The following GRAMD2A variants were observed in gnomAD, a reference collection of about 807,000 sequenced individuals.
The protein encoded by GRAMD2A is GRAM domain containing 2A.
Under a neutral mutation model 51.1 loss-of-function variants are expected in GRAMD2A, and 37 were observed. The ratio of observed to expected loss-of-function variants is 0.72; its 90% CI spans 0.56 to 0.95. The LOEUF is 0.95. GRAMD2A is among the 40% of genes least tolerant of loss of function. The probability of loss-of-function intolerance (pLI) is 0.00; values close to 1 mark genes in which losing one functional copy is unlikely to be tolerated. For missense variants in GRAMD2A, 414 were observed against 426.9 expected, an observed-to-expected ratio of 0.97 and a Z score of 0.27; for synonymous variants, 136 against 157.1, an observed-to-expected ratio of 0.87 and a Z score of 1.01.
chr15:72,183,678 A>C (rs950547223), intron 1 of GRAMD2A, among the ~76,000 whole-genome samples: 2 of 152,234 alleles, frequency 1.3e-5, no homozygotes, highest in African/African-American at 2.4e-5. Flanking sequence ...AAAAAAAATA[A>C]ATAAATACAA....
chr15:72,165,237 T>C, intron 8 of GRAMD2A, 117 bp downstream of exon 8: 1 of 883,920 alleles, frequency 1.1e-6, no homozygotes, highest in Non-Finnish European at 1.8e-6. Flanking sequence ...GCATGGCCAC[T>C]GACTCTTGAG....
intron 1 of GRAMD2A, among the ~76,000 whole-genome samples, chr15:72,178,645 G>A (rs1056753816): frequency 4.5e-5 from 6 of 133,794 alleles, no homozygotes; most frequent in Non-Finnish European, 1.5e-5. Context: ...GCGCAATCTC[G>A]GCTCACTGCC....
chr15:72,186,871 A>G (rs2081737718), intron 1 of GRAMD2A, among the ~76,000 whole-genome samples: 1 of 152,024 alleles, frequency 6.6e-6, no homozygotes, highest in Admixed American at 6.6e-5. Flanking sequence ...TACAGACTGA[A>G]TGCAGTGGCT....
At chr15:72,182,745 G>A (rs767854042) in intron 1 of GRAMD2A, among the ~76,000 whole-genome samples, 4 of 152,178 alleles carry the variant, frequency 2.6e-5, no homozygotes, top group Non-Finnish European at 5.9e-5. Context: ...TAGAGTAGTT[G>A]AATTCATAGA....
chr15:72,178,547 A>G (rs1596691993), intron 1 of GRAMD2A, among the ~76,000 whole-genome samples: 1 of 128,848 alleles, frequency 7.8e-6, no homozygotes, highest in South Asian at 2.6e-4. Context: ...AAATAATGTC[A>G]TTATTGCTGT....
At chr15:72,194,077 T>A (rs1406770139) in intron 1 of GRAMD2A, among the ~76,000 whole-genome samples, 4 of 152,158 alleles carry the variant, frequency 2.6e-5, no homozygotes, top group Admixed American at 2.6e-4. Context: ...GCTTCAAAGG[T>A]TGGTGATGAC....
At chr15:72,186,903 T>C (rs565794375) in intron 1 of GRAMD2A, among the ~76,000 whole-genome samples, 3 of 151,934 alleles carry the variant, frequency 2.0e-5, no homozygotes, top group African/African-American at 7.2e-5. Context: ...TACCAGCACT[T>C]TGAGAAGCCG....
intron 1 of GRAMD2A, among the ~76,000 whole-genome samples, chr15:72,171,137 C>T (rs1207285184): frequency 2.6e-5 from 4 of 152,190 alleles, no homozygotes; most frequent in Admixed American, 6.5e-5. Flanking sequence ...GCCTGGTTAC[C>T]TCTGTCCTCA....
At chr15:72,164,936 C>G (rs564215105) in intron 8 of GRAMD2A, among the ~76,000 whole-genome samples, 1 of 152,146 alleles carries the variant, frequency 6.6e-6, no homozygotes, top group Non-Finnish European at 1.5e-5. Context: ...GCCATGAATT[C>G]GAGATCAGCT....
intron 1 of GRAMD2A, among the ~76,000 whole-genome samples, chr15:72,179,767 CTG>C (rs1051520675): frequency 7.9e-5 from 12 of 152,188 alleles, no homozygotes; most frequent in African/African-American, 2.7e-4. Context: ...CTGGTGAGCG[CTG>C]TGTTAGCCTC....
At chr15:72,163,016 C>T in intron 10 of GRAMD2A, 1 of 465,320 alleles carries the variant, frequency 2.1e-6, no homozygotes, top group Non-Finnish European at 3.8e-6. Context: ...TCAACATCTC[C>T]ATATCCTGCC....
At chr15:72,190,684 C>A (rs2081762125) in intron 1 of GRAMD2A, among the ~76,000 whole-genome samples, 1 of 152,188 alleles carries the variant, frequency 6.6e-6, no homozygotes. Context: ...CCTCTGAGGT[C>A]CAGGCAAGAG....
intron 1 of GRAMD2A, among the ~76,000 whole-genome samples, chr15:72,191,468 G>A (rs754418332): frequency 5.9e-5 from 9 of 152,136 alleles, no homozygotes; most frequent in Non-Finnish European, 1.0e-4. Flanking sequence ...CTCCCAAAGT[G>A]CTGGGATTAC....
At chr15:72,183,065 G>T (rs2081708238) in intron 1 of GRAMD2A, among the ~76,000 whole-genome samples, 1 of 152,082 alleles carries the variant, frequency 6.6e-6, no homozygotes, top group Non-Finnish European at 1.5e-5. Flanking sequence ...TAGAGACAGG[G>T]TCTCTCTATG....
At chr15:72,179,862 G>T (rs1358787871) in intron 1 of GRAMD2A, among the ~76,000 whole-genome samples, 5 of 152,152 alleles carry the variant, frequency 3.3e-5, no homozygotes, top group East Asian at 3.9e-4. Flanking sequence ...GGCCTCAAAG[G>T]CACCCAGAAA....
At chr15:72,194,800 G>C (rs185589944) in intron 1 of GRAMD2A, among the ~76,000 whole-genome samples, 35 of 152,148 alleles carry the variant, frequency 2.3e-4, no homozygotes, top group African/African-American at 8.4e-4. Context: ...AGATTCTCCA[G>C]CCTCAACCTC....
chr15:72,180,124 C>T (rs1390031086), intron 1 of GRAMD2A, among the ~76,000 whole-genome samples: 1 of 152,220 alleles, frequency 6.6e-6, no homozygotes, highest in Non-Finnish European at 1.5e-5. Context: ...TGAGAACAGT[C>T]GCCACGGAGA....
At chr15:72,191,157 G>C (rs190941690) in intron 1 of GRAMD2A, among the ~76,000 whole-genome samples, 7 of 152,204 alleles carry the variant, frequency 4.6e-5, no homozygotes, top group Admixed American at 4.6e-4. Context: ...TGCCTTTCTA[G>C]TACTGGCTAC....
chr15:72,193,081 G>A (rs1213171349), intron 1 of GRAMD2A, among the ~76,000 whole-genome samples: 2 of 151,736 alleles, frequency 1.3e-5, no homozygotes, highest in Admixed American at 1.3e-4. Context: ...AGCTGATATC[G>A]TGCCATTGCA....
Sources: allele counts gnomAD v4.1 joint callset (sites outside exome capture counted in the v4.1 genomes callset), GRCh38; gene constraint gnomAD v4.1.1; transcripts MANE v1.5; gene names NCBI Gene and HGNC (gene_info 2026-07-23, HGNC 2026-07-21).